CHSY1: variants seen among roughly 807,000 people sequenced by gnomAD.
CHSY1 encodes the protein chondroitin sulfate synthase 1, also known as N-acetylgalactosaminyl-proteoglycan 3-beta-glucuronosyltransferase 1.
A neutral mutation model predicts 59.8 loss-of-function variants in CHSY1; 13 were observed. The observed-to-expected ratio is 0.22, with a 90% CI of 0.14 to 0.35. CHSY1 has a LOEUF of 0.35. Among genes scored for constraint, CHSY1 ranks in the 10% least tolerant of loss-of-function variants. CHSY1 has a pLI of 1.00. For missense variants in CHSY1, 947 were observed against 1,030.6 expected, an observed-to-expected ratio of 0.92 and a Z score of 1.11; for synonymous variants, 459 against 401.2, an observed-to-expected ratio of 1.14 and a Z score of -1.72.
Position 101,177,475 on chromosome 15 carries a change from G to T in CHSY1, c.2322C>A (p.Thr774=), listed in dbSNP as rs8024370. 972,397 of 1,613,236 alleles carry T rather than the reference G, an allele frequency of 0.6. 299,583 individuals carry two copies. The highest frequency in any genetic ancestry group is 0.9 in the East Asian group (40,168 of 44,876). ...CCAGCCACATCTCAGCCAGCTGCTG[G>T]GTGGACCCATAGGTCGATGCTTTGG... ...LGSKASTYGS[T]QQLAEMWLEK... Residue 774 remains threonine (T), a synonymous_variant, in exon 3 of 3, where the codon ACC becomes ACA. Coordinates refer to ENST00000254190, the MANE Select transcript of CHSY1 (RefSeq NM_014918.5).
At chr15:101,215,215 C>T (rs962924841) in intron 2 of CHSY1, among the ~76,000 whole-genome samples, 1 of 152,146 alleles carries the variant, frequency 6.6e-6, no homozygotes, top group Non-Finnish European at 1.5e-5. Flanking sequence ...AATGTGAGAA[C>T]CAACACAATG....
At chr15:101,244,658 A>G (rs767224284) in intron 1 of CHSY1, among the ~76,000 whole-genome samples, 7 of 152,248 alleles carry the variant, frequency 4.6e-5, no homozygotes, top group Non-Finnish European at 1.0e-4. Flanking sequence ...TCTATGCTAC[A>G]CAAACATACA....
At chr15:101,185,398 C>T (rs1018342379) in intron 2 of CHSY1, among the ~76,000 whole-genome samples, 2 of 152,230 alleles carry the variant, frequency 1.3e-5, no homozygotes, top group African/African-American at 2.4e-5. Flanking sequence ...CCAGCCCTTG[C>T]TCTGAGTGTG....
At chr15:101,238,109 G>A (rs554461778) in intron 1 of CHSY1, among the ~76,000 whole-genome samples, 29 of 152,234 alleles carry the variant, frequency 1.9e-4, no homozygotes, top group African/African-American at 6.7e-4. Context: ...TCTCTATATT[G>A]AAGGACAACT....
intron 2 of CHSY1, among the ~76,000 whole-genome samples, chr15:101,190,085 T>G (rs1482712833): frequency 1.3e-5 from 2 of 152,238 alleles, no homozygotes; most frequent in African/African-American, 2.4e-5. Flanking sequence ...ACGACCCCTG[T>G]GAGGCTGAAG....
rs533412200 is a variant in CHSY1 at position 101,211,214 on chromosome 15, C to T, written c.816+23868G>A. 1.1e-4 allele frequency among the ~76,000 whole-genome samples: 16 copies of T among 152,212 alleles called. No homozygotes were observed. The East Asian group carries it at 1.7e-3, about 17-fold the overall frequency. The stretch of plus-strand genomic sequence containing the variant: ...TGGCAGGCACCTCTAATCCCAGCTA[C>T]CTGGGAGGCTGAGGCAGAAAAATCA... On this transcript the variant is annotated intron_variant, in intron 2 of 2. Coordinates refer to ENST00000254190, the MANE Select transcript of CHSY1 (RefSeq NM_014918.5).
At chr15:101,223,012 T>C (rs1237405642) in intron 2 of CHSY1, among the ~76,000 whole-genome samples, 2 of 152,206 alleles carry the variant, frequency 1.3e-5, no homozygotes, top group African/African-American at 4.8e-5. Flanking sequence ...CTACTTTATT[T>C]GAGACAGAGT....
chr15:101,178,788 C>T lies in CHSY1; in HGVS notation c.1009G>A (p.Glu337Lys), dbSNP rs146065837. 5.0e-6 allele frequency: 8 copies of T among 1,614,036 alleles called. No homozygotes were observed. The highest frequency in any genetic ancestry group is 5.9e-6 in the Non-Finnish European group (7 of 1,180,052). Residue 337 changes from glutamate to lysine, a missense_variant, in exon 3 of 3, where the codon GAA (glutamate) becomes AAA (lysine). Glu to Lys is a moderately conservative substitution (Grantham distance 56). Transcript: ENST00000254190. ...LRHRTIQLHR[E>K]IVLMSKYSNT... is the part of the protein sequence containing the mutation. ...CTGTATTTGCTCATCAGGACAATTT[C>T]GCGGTGCAGCTGTATTGTGCGATGG...
At position 101,178,401 on chromosome 15, in the gene CHSY1, G is replaced by C; in HGVS notation, c.1396C>G (p.Pro466Ala). ...KKHKGKKMTV[P>A]VRRHAYLQQT... ...TGTAAATACGCGTGCCTCCTCACAG[G>C]GACCGTCATTTTCTTCCCTTTGTGC... The change falls in exon 3 of 3, where the codon CCT becomes GCT. Residue 466 changes from proline to alanine, a missense_variant. By Grantham distance (27) the Pro-to-Ala change is conservative. This residue lies in a region of CHSY1 where 602 missense variants were observed against 676.9 expected (regional missense o/e 0.89). Transcript: ENST00000254190. The C allele has an allele frequency of 6.2e-7, 1 of 1,612,546 alleles. No homozygotes were observed. Among genetic ancestry groups the C allele is most frequent in the Non-Finnish European group, 8.5e-7 (1 of 1,178,618 alleles).
chr15:101,238,709 G>T (rs1390495166), intron 1 of CHSY1, among the ~76,000 whole-genome samples: 1 of 152,068 alleles, frequency 6.6e-6, no homozygotes, highest in Non-Finnish European at 1.5e-5. Context: ...GTATTCTTAC[G>T]CCACTTAAAT....
chr15:101,213,431 T>C (rs2038702172), intron 2 of CHSY1, among the ~76,000 whole-genome samples: 1 of 152,096 alleles, frequency 6.6e-6, no homozygotes, highest in Admixed American at 6.5e-5. Context: ...AAAAAAAAAT[T>C]AGAAGAGGCT....
At position 101,185,058 on chromosome 15, in the gene CHSY1, C is replaced by T. The variant is rs138149663; in HGVS notation, c.817-6078G>A. ...TACCTCCACCTTAACCAAGACCTGC[C>T]CAAATGGGCTTCGGGTGGTGCCCTT... On this transcript the variant is annotated intron_variant, in intron 2 of 2. Transcript: ENST00000254190. Among the ~76,000 whole-genome samples, 319 of 152,318 alleles carry T rather than the reference C, an allele frequency of 2.1e-3. 2 individuals are homozygous for T. The highest frequency in any genetic ancestry group is 3.0e-3 in the Non-Finnish European group (204 of 68,018).
At chr15:101,225,574 T>G (rs1021474890) in intron 2 of CHSY1, among the ~76,000 whole-genome samples, 3 of 152,044 alleles carry the variant, frequency 2.0e-5, no homozygotes, top group African/African-American at 7.3e-5. Context: ...GTGAGTTAGT[T>G]CAAGATCTGG....
Position 101,251,489 on chromosome 15 carries a change from G to GCCGCCGCCGCCGCCGCCA in CHSY1, c.-34_-33insTGGCGGCGGCGGCGGCGG. Reference sequence around the variant, plus strand: ...CCGCTCCGCCCGCCGGGCCGCCGCCGCAGGCTCCGCGCGCCCTCAGCCCGC... The same window carrying GCCGCCGCCGCCGCCGCCA: ...CCGCTCCGCCCGCCGGGCCGCCGCCGCCGCCGCCGCCGCCGCCACAGGCTCCGCGCGCCCTCAGCCCGC... On this transcript the variant is annotated 5_prime_UTR_variant, in exon 1 of 3. Coordinates refer to ENST00000254190, the MANE Select transcript of CHSY1 (RefSeq NM_014918.5). 2 of 606,844 alleles carry GCCGCCGCCGCCGCCGCCA rather than the reference G, an allele frequency of 3.3e-6. No individual in the cohort carries two copies. Among genetic ancestry groups the GCCGCCGCCGCCGCCGCCA allele is most frequent in the Non-Finnish European group, 4.1e-6 (2 of 485,856 alleles). The allele number at this position is 606,844 out of a possible 1,614,324, so 37.6% of individuals were successfully genotyped here.
chr15:101,248,953 A>ATTTTT (rs565187410), intron 1 of CHSY1, among the ~76,000 whole-genome samples: 1 of 111,460 alleles, frequency 9.0e-6, no homozygotes, highest in Non-Finnish European at 1.8e-5. Context: ...AGCCTGGCTA[A>ATTTTT]TTTTTTTTTT....
chr15:101,227,617 T>G (rs8036083), intron 2 of CHSY1, among the ~76,000 whole-genome samples: 72,453 of 152,114 alleles, frequency 0.48, 19,974 homozygotes, highest in African/African-American at 0.78. Context: ...AGTGTGTGCA[T>G]GTTCAGCAAA....
At chr15:101,193,910 C>T (rs2038476674) in intron 2 of CHSY1, among the ~76,000 whole-genome samples, 1 of 152,162 alleles carries the variant, frequency 6.6e-6, no homozygotes, top group African/African-American at 2.4e-5. Context: ...GCAGGTGGGG[C>T]ACTGAGTCCC....
intron 2 of CHSY1, among the ~76,000 whole-genome samples, chr15:101,200,038 T>C (rs943139759): frequency 1.2e-4 from 18 of 152,234 alleles, no homozygotes; most frequent in African/African-American, 3.6e-4. Flanking sequence ...ACCAATGTTT[T>C]GTGAATACTC....
chr15:101,205,929 GC>G (rs1022070152), intron 2 of CHSY1, among the ~76,000 whole-genome samples: 1 of 151,836 alleles, frequency 6.6e-6, no homozygotes, highest in African/African-American at 2.4e-5. Flanking sequence ...TCCAGCCTGG[GC>G]GAAAGAGAGA....
Sources: allele counts gnomAD v4.1 joint callset (sites outside exome capture counted in the v4.1 genomes callset), GRCh38; gene constraint gnomAD v4.1.1; regional missense constraint gnomAD v4.1.1; transcripts MANE v1.5; gene names NCBI Gene and HGNC (gene_info 2026-07-23, HGNC 2026-07-21).